CTIF: variants seen among roughly 807,000 people sequenced by gnomAD.
The protein encoded by CTIF is cap binding complex dependent translation initiation factor, also known as CBP80/20-dependent translation initiation factor.
Under a neutral mutation model 66.0 loss-of-function variants are expected in CTIF, and 21 were observed. The observed-to-expected ratio is 0.32, with a 90% confidence interval of 0.23 to 0.46. CTIF has a LOEUF of 0.46. Ranked by LOEUF, CTIF falls within the 20% of genes least tolerant of loss-of-function variation. The probability of loss-of-function intolerance (pLI) is 1.00; values close to 1 mark genes in which losing one functional copy is unlikely to be tolerated. For missense variants in CTIF, 739 were observed against 812.7 expected, an observed-to-expected ratio of 0.91 and a Z score of 1.10; for synonymous variants, 345 against 326.4, an observed-to-expected ratio of 1.06 and a Z score of -0.62.
chr18:48,792,681 C>T (rs906210920), intron 9 of CTIF, among the ~76,000 whole-genome samples: 9 of 152,094 alleles, frequency 5.9e-5, no homozygotes, highest in African/African-American at 1.4e-4. Context: ...CTGAGAGGAT[C>T]CTCTGAAGGA....
chr18:48,595,466 A>G (rs1208122077), intron 1 of CTIF, among the ~76,000 whole-genome samples: 1 of 152,148 alleles, frequency 6.6e-6, no homozygotes, highest in African/African-American at 2.4e-5. Context: ...TCAGTCTGTC[A>G]CCCAGGCTGG....
rs76166891 is a variant in CTIF, at chr18:48,628,173, G to A, written c.180+8428G>A. 5.2e-3 allele frequency among the ~76,000 whole-genome samples: 798 copies of A among 152,320 alleles called. 5 individuals are homozygous for A. Among genetic ancestry groups the A allele is most frequent in the Middle Eastern group, 0.031 (9 of 294 alleles). On this transcript the variant is annotated intron_variant, in intron 2 of 11. Transcript: ENST00000256413. ...AAATGAGCTATGCAAGACCCTGGAA[G>A]AGCAGCTCTGGGGGGCAAAGGTCAA...
chr18:48,764,143 AG>A (rs1382319785), intron 9 of CTIF, among the ~76,000 whole-genome samples: 3 of 152,092 alleles, frequency 2.0e-5, no homozygotes, highest in African/African-American at 2.4e-5. Context: ...CTCCTACTTC[AG>A]GTGGTGCTAG....
At chr18:48,730,229 A>AGTGTGAGGGGCCTCCGCG (rs1329445908) in intron 7 of CTIF, among the ~76,000 whole-genome samples, 26 of 107,548 alleles carry the variant, frequency 2.4e-4, no homozygotes, top group Admixed American at 2.0e-3. Context: ...GAGCCCCCGA[A>AGTGTGAGGGGCCTCCGCG]GTGTGAGGGG....
chr18:48,614,189 A>T (rs577659467), intron 1 of CTIF, among the ~76,000 whole-genome samples: 77 of 152,118 alleles, frequency 5.1e-4, no homozygotes, highest in Non-Finnish European at 9.0e-4. Context: ...TCCTACTGGG[A>T]ATGAGACACT....
chr18:48,658,673 T>C (rs2091287460), intron 3 of CTIF, among the ~76,000 whole-genome samples: 1 of 152,158 alleles, frequency 6.6e-6, no homozygotes, highest in Non-Finnish European at 1.5e-5. Context: ...TGTGTCTGTC[T>C]AGTATATGCA....
intron 10 of CTIF, among the ~76,000 whole-genome samples, chr18:48,827,192 A>G (rs1275877509): frequency 1.3e-5 from 2 of 152,244 alleles, no homozygotes; most frequent in Non-Finnish European, 2.9e-5. Flanking sequence ...AAGCAACACC[A>G]TGGAAGGAAC....
intron 9 of CTIF, among the ~76,000 whole-genome samples, chr18:48,815,523 A>G (rs1247234008): frequency 6.6e-6 from 1 of 152,216 alleles, no homozygotes; most frequent in Non-Finnish European, 1.5e-5. Context: ...ATAGATATCA[A>G]AATAGTTATA....
chr18:48,788,437 A>G (rs1349703302), intron 9 of CTIF, among the ~76,000 whole-genome samples: 3 of 152,124 alleles, frequency 2.0e-5, no homozygotes, highest in Non-Finnish European at 4.4e-5. Flanking sequence ...CCTCACCTGT[A>G]AATAAGTGGC....
intron 1 of CTIF, among the ~76,000 whole-genome samples, chr18:48,594,339 G>A (rs879454403): frequency 3.3e-4 from 16 of 48,460 alleles, no homozygotes; most frequent in South Asian, 8.7e-4. Context: ...ACCCCACCCC[G>A]CCCCAACTGG....
intron 11 of CTIF, 75 bp downstream of exon 11, chr18:48,857,716 G>A (rs1002127024): frequency 2.4e-5 from 34 of 1,399,282 alleles, no homozygotes; most frequent in Middle Eastern, 1.8e-4. Flanking sequence ...CTAGGGGCAC[G>A]AGGGTTGTTG....
chr18:48,836,853 G>A (rs990439387), intron 10 of CTIF, among the ~76,000 whole-genome samples: 1 of 152,202 alleles, frequency 6.6e-6, no homozygotes, highest in African/African-American at 2.4e-5. Flanking sequence ...TGTGTCCCCT[G>A]CTTAGTCCAC....
chr18:48,768,487 C>A lies in CTIF; in HGVS notation c.1371+6798C>A, dbSNP rs79256780. 6.9e-3 allele frequency among the ~76,000 whole-genome samples: 1,058 copies of A among 152,304 alleles called. 13 individuals carry two copies. The highest frequency in any genetic ancestry group is 0.023 in the African/African-American group (966 of 41,566). On this transcript the variant is annotated intron_variant, in intron 9 of 11. Coordinates refer to ENST00000256413, the MANE Select transcript of CTIF (RefSeq NM_014772.3). Reference sequence around the variant, plus strand: ...TCCAGGGCAGGGATCCCTCCCCAGGCTTATACATGGGGAAAGTGGCTCAGT... The same window carrying A: ...TCCAGGGCAGGGATCCCTCCCCAGGATTATACATGGGGAAAGTGGCTCAGT...
At chr18:48,798,516 G>T (rs536932224) in intron 9 of CTIF, among the ~76,000 whole-genome samples, 43 of 152,356 alleles carry the variant, frequency 2.8e-4, no homozygotes, top group African/African-American at 1.0e-3. Flanking sequence ...TACTGAGTGT[G>T]TGTTAAGTTA....
intron 7 of CTIF, among the ~76,000 whole-genome samples, chr18:48,739,948 A>G (rs185293686): frequency 6.6e-6 from 1 of 152,272 alleles, no homozygotes; most frequent in East Asian, 1.9e-4. Context: ...CTACCAGGCT[A>G]TTGCATTTAA....
chr18:48,777,071 C>T (rs1910751004), intron 9 of CTIF, among the ~76,000 whole-genome samples: 1 of 152,232 alleles, frequency 6.6e-6, no homozygotes, highest in Non-Finnish European at 1.5e-5. Flanking sequence ...GCTAAAATGC[C>T]TGTTGCTGAC....
intron 7 of CTIF, among the ~76,000 whole-genome samples, chr18:48,726,193 A>T (rs779655158): frequency 3.3e-5 from 5 of 152,190 alleles, no homozygotes; most frequent in Non-Finnish European, 5.9e-5. Flanking sequence ...TTATGTTTAT[A>T]GTTGTGGATA....
At position 48,636,669 on chromosome 18, in the gene CTIF, G is replaced by A. The variant is rs373584006; in HGVS notation, c.236G>A (p.Arg79Gln). The change falls in exon 3 of 12, where the codon CGA becomes CAA. Residue 79 changes from arginine to glutamine, a missense_variant. Arg to Gln is a conservative substitution (Grantham distance 43, BLOSUM62 1). Transcript: ENST00000256413. ...LDSSCSFSRG[R>Q]APPQQNGSKD... ...AGCAGCTGTTCCTTCTCCCGAGGGC[G>A]AGCCCCCCCACAGCAGGTAGGGAAC... 15 of 1,600,134 alleles carry A rather than the reference G, an allele frequency of 9.4e-6. No individual in the cohort carries two copies. Among genetic ancestry groups the A allele is most frequent in the Middle Eastern group, 1.7e-4 (1 of 6,024 alleles).
rs529887351 is a variant in CTIF, at chr18:48,550,442, G to A, written c.-29+11130G>A. The stretch of plus-strand genomic sequence containing the variant: ...TGCTGATTGGGAAGCCTGGCCCCAG[G>A]GAATGCAGGGTGTGGGAAGATGGTG... On this transcript the variant is annotated intron_variant, in intron 1 of 11. Transcript: ENST00000256413. Among the ~76,000 whole-genome samples, 21 of 152,334 alleles carry A rather than the reference G, an allele frequency of 1.4e-4. 1 individual carries two copies. The East Asian group carries it at 3.9e-3, about 28-fold the overall frequency.
Sources: allele counts gnomAD v4.1 joint callset (sites outside exome capture counted in the v4.1 genomes callset), GRCh38; gene constraint gnomAD v4.1.1; transcripts MANE v1.5; gene names NCBI Gene and HGNC (gene_info 2026-07-23, HGNC 2026-07-21).